Variants in ANKRD42 observed in about 807,000 individuals in gnomAD.
The protein encoded by ANKRD42 is ankyrin repeat domain-containing protein 42.
ANKRD42 carries 43 observed loss-of-function variants against 51.5 expected under a neutral mutation model. The observed-to-expected ratio is 0.83, with a 90% CI of 0.65 to 1.08. ANKRD42 has a LOEUF of 1.08. Ranked by LOEUF, ANKRD42 falls within the 50% of genes least tolerant of loss-of-function variation. The probability of loss-of-function intolerance (pLI) is 0.00; values close to 1 mark genes in which losing one functional copy is unlikely to be tolerated. For synonymous variants in ANKRD42, 203 were observed against 213.0 expected, an observed-to-expected ratio of 0.95 and a Z score of 0.41; for missense variants, 608 against 629.3, an observed-to-expected ratio of 0.97 and a Z score of 0.36.
Position 83,210,281 on chromosome 11 carries a change from C to A in ANKRD42, c.331-19C>A, listed in dbSNP as rs749658491. 4 of 1,611,016 alleles carry A rather than the reference C, an allele frequency of 2.5e-6. No homozygotes were observed. The highest frequency in any genetic ancestry group is 2.5e-6 in the Non-Finnish European group (3 of 1,177,542). ...ACATCTATACTCATGTAAAGTCTTT[C>A]CTATTTCTCTATTTTTAGGCTCTTA... On this transcript the variant is annotated intron_variant, in intron 3 of 10. Coordinates refer to ENST00000533342, the MANE Select transcript of ANKRD42 (RefSeq NM_001300975.2).
intron 1 of ANKRD42, among the ~76,000 whole-genome samples, chr11:83,195,458 A>C (rs566638119): frequency 3.9e-5 from 6 of 152,342 alleles, no homozygotes; most frequent in Admixed American, 3.9e-4. Flanking sequence ...GACACACGTA[A>C]CACTGAGACC....
chr11:83,233,425 G>T (rs915060975), intron 7 of ANKRD42, among the ~76,000 whole-genome samples: 1 of 151,916 alleles, frequency 6.6e-6, no homozygotes, highest in African/African-American at 2.4e-5. Context: ...AGTATCAGTT[G>T]TAATGTCTCA....
intron 7 of ANKRD42, among the ~76,000 whole-genome samples, chr11:83,234,499 A>C (rs1863170103): frequency 6.6e-6 from 1 of 152,220 alleles, no homozygotes; most frequent in Admixed American, 6.5e-5. Flanking sequence ...CATTGGTCAA[A>C]TTAGTCACAT....
chr11:83,250,831 C>T (rs1273779830), downstream of ANKRD42, among the ~76,000 whole-genome samples: 2 of 152,138 alleles, frequency 1.3e-5, no homozygotes, highest in African/African-American at 2.4e-5. Flanking sequence ...ATACAAAAAG[C>T]GAGTCCATCC....
chr11:83,212,515 G>A, intron 5 of ANKRD42: 2 of 786,552 alleles, frequency 2.5e-6, no homozygotes, highest in Admixed American at 2.2e-5. Flanking sequence ...TTAAAAAGTG[G>A]TCTACAAATT....
At chr11:83,207,028 A>G (rs1484605281) in intron 3 of ANKRD42, among the ~76,000 whole-genome samples, 1 of 152,208 alleles carries the variant, frequency 6.6e-6, no homozygotes, top group African/African-American at 2.4e-5. Flanking sequence ...AAAGGTTTAG[A>G]TGACTCACAG....
chr11:83,213,215 C>T, intron 5 of ANKRD42: 1 of 1,599,710 alleles, frequency 6.3e-7, no homozygotes. Context: ...GCACATGCTG[C>T]CTACTGACTT....
chr11:83,249,509 T>C (rs149371511), downstream of ANKRD42, among the ~76,000 whole-genome samples: 187 of 152,356 alleles, frequency 1.2e-3, 1 homozygote, highest in Middle Eastern at 0.014. Flanking sequence ...ACATTTTCTT[T>C]TGAGCCATTC....
chr11:83,203,371 C>T (rs1307643451), intron 2 of ANKRD42, among the ~76,000 whole-genome samples: 8 of 151,170 alleles, frequency 5.3e-5, no homozygotes, highest in African/African-American at 1.9e-4. Context: ...AAGGTCATCT[C>T]CTAAGTTTTC....
chr11:83,231,807 G>A (rs569366151), intron 7 of ANKRD42, among the ~76,000 whole-genome samples: 1 of 152,158 alleles, frequency 6.6e-6, no homozygotes, highest in South Asian at 2.1e-4. Flanking sequence ...TTATTGAAGA[G>A]ACTGTCTTTT....
chr11:83,263,534 A>G (rs1371881741), downstream of ANKRD42, among the ~76,000 whole-genome samples: 2 of 152,222 alleles, frequency 1.3e-5, no homozygotes, highest in Non-Finnish European at 2.9e-5. Context: ...ATTAGCTTTC[A>G]TTATTTATCT....
chr11:83,209,542 T>G, intron 3 of ANKRD42: 1 of 1,001,740 alleles, frequency 1.0e-6, no homozygotes, highest in Non-Finnish European at 1.6e-6. Context: ...ATCTTGGCGT[T>G]CAGCAGAGTC....
chr11:83,215,529 T>C, intron 5 of ANKRD42, among the ~76,000 whole-genome samples: 1 of 152,190 alleles, frequency 6.6e-6, no homozygotes, highest in South Asian at 2.1e-4. Context: ...GTTCCTTTCT[T>C]CTTGTCTTTC....
At chr11:83,241,569 A>C (rs2135551279) in intron 9 of ANKRD42, among the ~76,000 whole-genome samples, 1 of 152,188 alleles carries the variant, frequency 6.6e-6, no homozygotes, top group East Asian at 1.9e-4. Flanking sequence ...ATTATGTAGC[A>C]TTGAGAATGG....
chr11:83,239,751 A>G (rs1863332935), intron 8 of ANKRD42, among the ~76,000 whole-genome samples: 2 of 152,218 alleles, frequency 1.3e-5, no homozygotes, highest in Admixed American at 6.5e-5. Flanking sequence ...TTTTTGTATC[A>G]GCATCAAATA....
In ANKRD42 at chr11:83,248,265, C is replaced by G; in HGVS notation, c.*61C>G. ...TATAAACTGGAGATGATAACTTATACTTTCTAGAGCTGATGACAGGATTAA... is the reference window on the plus strand; with the variant it reads ...TATAAACTGGAGATGATAACTTATAGTTTCTAGAGCTGATGACAGGATTAA... On this transcript the variant is annotated 3_prime_UTR_variant, in exon 11 of 11. Coordinates refer to ENST00000533342, the MANE Select transcript of ANKRD42 (RefSeq NM_001300975.2). The G allele has an allele frequency of 7.0e-7, 1 of 1,429,976 alleles. No homozygotes were observed. Among genetic ancestry groups the G allele is most frequent in the East Asian group, 2.5e-5 (1 of 39,510 alleles). 88.6% of individuals were successfully genotyped at this position (1,429,976 alleles called of 1,614,324 possible). A position where few individuals can be genotyped will look rare whatever the true frequency, so the allele number is the denominator to read the frequency against.
chr11:83,217,960 G>A (rs1182700270), intron 5 of ANKRD42, among the ~76,000 whole-genome samples: 8 of 152,098 alleles, frequency 5.3e-5, no homozygotes, highest in East Asian at 3.9e-4. Context: ...ACAGAACACC[G>A]AGGTTGCCAG....
chr11:83,248,251 G>C lies in ANKRD42; in HGVS notation c.*47G>C. 1 of 1,444,412 alleles carries C rather than the reference G, an allele frequency of 6.9e-7. No individual in the cohort carries two copies. The allele number at this position is 1,444,412 out of a possible 1,614,324, so 89.5% of individuals were successfully genotyped here. A position where few individuals can be genotyped will look rare whatever the true frequency, so the allele number is the denominator to read the frequency against. On this transcript the variant is annotated 3_prime_UTR_variant, in exon 11 of 11. Transcript: ENST00000533342. ...TTTTGTGCCTCAACTATAAACTGGA[G>C]ATGATAACTTATACTTTCTAGAGCT... is the stretch of plus-strand genomic sequence containing the variant.
Position 83,248,151 on chromosome 11 carries a change from C to A in ANKRD42, c.1531C>A (p.Gln511Lys). The change falls in exon 11 of 11, where the codon CAA (glutamine) becomes AAA (lysine). Residue 511 changes from glutamine to lysine, a missense_variant. Physicochemically the swap from Gln to Lys is moderately conservative, Grantham distance 53 (BLOSUM62 1). Transcript: ENST00000533342. ...GTATATACAAGAGTGGCCAAGAGTACAAGCTTTGGGCTGGGGCTCTTTGGA... is the reference window on the plus strand; with the variant it reads ...GTATATACAAGAGTGGCCAAGAGTAAAAGCTTTGGGCTGGGGCTCTTTGGA... The part of the protein sequence containing the change: ...KKYIQEWPRV[Q>K]ALGWGSLDLN... 6.5e-7 allele frequency: 1 copy of A among 1,539,988 alleles called. No homozygotes were observed. Among genetic ancestry groups the A allele is most frequent in the Non-Finnish European group, 8.7e-7 (1 of 1,145,372 alleles).
Sources: gnomAD v4.1 joint callset for allele counts (sites outside exome capture counted in the v4.1 genomes callset) on GRCh38, gnomAD v4.1.1 for gene constraint, MANE v1.5 for transcripts, NCBI Gene and HGNC (gene_info 2026-07-23, HGNC 2026-07-21) for gene names.